The following LCORL variants were observed in gnomAD, a reference collection of about 807,000 sequenced individuals.
The protein encoded by LCORL is ligand-dependent nuclear receptor corepressor-like protein.
In LCORL, 41 loss-of-function variants were observed where a neutral mutation model predicts 141.8. The ratio of observed to expected loss-of-function variants is 0.29; its 90% CI spans 0.23 to 0.38. The LOEUF (loss-of-function observed/expected upper bound fraction) is 0.38, where lower values mean the gene tolerates loss of function less well. Among genes scored for constraint, LCORL ranks in the 10% least tolerant of loss-of-function variants. LCORL has a pLI of 1.00. For synonymous variants in LCORL, 618 were observed against 694.1 expected, an observed-to-expected ratio of 0.89 and a Z score of 1.72; for missense variants, 1,759 against 2,035.0, an observed-to-expected ratio of 0.86 and a Z score of 2.61.
intron 4 of LCORL, among the ~76,000 whole-genome samples, chr4:17,926,434 C>T (rs1410444894): frequency 6.6e-6 from 1 of 152,146 alleles, no homozygotes; most frequent in Non-Finnish European, 1.5e-5. Context: ...AGCTTCCTGC[C>T]CTCGAATGTC....
chr4:17,957,504 G>C, intron 4 of LCORL, among the ~76,000 whole-genome samples: 1 of 151,982 alleles, frequency 6.6e-6, no homozygotes, highest in East Asian at 1.9e-4. Flanking sequence ...TTGTAAAGGG[G>C]TAGGAGACTG....
chr4:17,990,383 G>A (rs934835098), intron 1 of LCORL, among the ~76,000 whole-genome samples: 1 of 151,738 alleles, frequency 6.6e-6, no homozygotes, highest in Non-Finnish European at 1.5e-5. Context: ...ACAGGCATGA[G>A]CCACCACGCC....
intron 7 of LCORL, among the ~76,000 whole-genome samples, chr4:17,849,180 G>C (rs1251717410): frequency 6.6e-6 from 1 of 152,200 alleles, no homozygotes; most frequent in African/African-American, 2.4e-5. Flanking sequence ...AGAGAGCAGT[G>C]GTTCTCCCAG....
exon 8 of LCORL, chr4:17,843,169 A>T: frequency 1.0e-6 from 1 of 953,696 alleles, no homozygotes; most frequent in Non-Finnish European, 1.5e-6. Context: ...TTTTAGTTTT[A>T]AGCTAAGTCA....
At chr4:18,012,794 A>C (rs1216149702) in intron 1 of LCORL, among the ~76,000 whole-genome samples, 1 of 152,176 alleles carries the variant, frequency 6.6e-6, no homozygotes, top group Admixed American at 6.5e-5. Context: ...GCTTAATGAA[A>C]TTAACATATA....
intron 5 of LCORL, among the ~76,000 whole-genome samples, chr4:17,890,397 G>T (rs909834140): frequency 6.6e-6 from 1 of 152,050 alleles, no homozygotes; most frequent in African/African-American, 2.4e-5. Context: ...ATCATTGGTT[G>T]CTTCCAAGGG....
intron 5 of LCORL, among the ~76,000 whole-genome samples, chr4:17,894,622 G>A (rs959908078): frequency 1.3e-5 from 2 of 152,142 alleles, no homozygotes; most frequent in Non-Finnish European, 2.9e-5. Context: ...ATAGAAAACA[G>A]CTGAATTCTC....
intron 5 of LCORL, among the ~76,000 whole-genome samples, chr4:17,904,112 G>C (rs1209304709): frequency 6.6e-6 from 1 of 151,974 alleles, no homozygotes; most frequent in Non-Finnish European, 1.5e-5. Context: ...TATTAGAGTT[G>C]TCAAAGATTT....
intron 4 of LCORL, chr4:17,912,465 T>A (rs1440465131): frequency 5.4e-6 from 3 of 552,770 alleles, no homozygotes; most frequent in African/African-American, 3.8e-5. Context: ...CCCAATACGA[T>A]GAGCTGGCTC....
intron 2 of LCORL, among the ~76,000 whole-genome samples, chr4:17,970,544 G>A (rs1237051212): frequency 6.6e-6 from 1 of 152,170 alleles, no homozygotes; most frequent in Admixed American, 6.5e-5. Flanking sequence ...ATGAGAAATA[G>A]AACATAACAG....
At chr4:17,982,720 G>A (rs1577631948) in intron 1 of LCORL, among the ~76,000 whole-genome samples, 2 of 152,154 alleles carry the variant, frequency 1.3e-5, no homozygotes, top group Admixed American at 1.3e-4. Flanking sequence ...TCTGCAGGTT[G>A]TCTCTTTATT....
intron 3 of LCORL, 128 bp downstream of exon 3, chr4:17,962,842 G>A (rs763913282): frequency 8.7e-5 from 38 of 435,448 alleles, no homozygotes; most frequent in African/African-American, 3.5e-4. Flanking sequence ...TATTATTTTC[G>A]TTTACCAAAA....
intron 1 of LCORL, 123 bp from the exon 2 acceptor site, chr4:17,973,008 G>A: frequency 2.4e-6 from 1 of 411,328 alleles, no homozygotes; most frequent in Non-Finnish European, 4.2e-6. Context: ...TTTTCCTCTA[G>A]CTGCATTAAA....
At chr4:17,971,927 G>GA (rs1716029463) in intron 2 of LCORL, among the ~76,000 whole-genome samples, 2 of 150,766 alleles carry the variant, frequency 1.3e-5, no homozygotes, top group Admixed American at 6.6e-5. Context: ...TATGATAGTT[G>GA]AAAAAAAATC....
At chr4:17,868,129 C>T (rs925549676) in intron 7 of LCORL, among the ~76,000 whole-genome samples, 2 of 152,072 alleles carry the variant, frequency 1.3e-5, no homozygotes, top group East Asian at 1.9e-4. Flanking sequence ...TGTTAAAATG[C>T]TCATAAGCAA....
intron 1 of LCORL, among the ~76,000 whole-genome samples, chr4:18,014,872 T>C (rs888186601): frequency 6.6e-6 from 1 of 152,194 alleles, no homozygotes; most frequent in Non-Finnish European, 1.5e-5. Context: ...ATTACTTGAT[T>C]ACAGATTCAG....
At chr4:17,869,638 A>T (rs1726099162) in intron 7 of LCORL, among the ~76,000 whole-genome samples, 1 of 152,018 alleles carries the variant, frequency 6.6e-6, no homozygotes, top group African/African-American at 2.4e-5. Context: ...GGCTCTTTCA[A>T]TCTTACAATG....
chr4:17,983,459 T>A (rs1439877686), intron 1 of LCORL, among the ~76,000 whole-genome samples: 2 of 152,194 alleles, frequency 1.3e-5, no homozygotes, highest in Non-Finnish European at 2.9e-5. Flanking sequence ...GTTTTGTAAT[T>A]CTCATTGTAG....
intron 4 of LCORL, among the ~76,000 whole-genome samples, chr4:17,927,796 A>G (rs1185534916): frequency 2.0e-5 from 3 of 152,238 alleles, no homozygotes; most frequent in Non-Finnish European, 4.4e-5. Context: ...TAGATATAAT[A>G]GTAATACTAA....
Sources: gnomAD v4.1 joint callset for allele counts (sites outside exome capture counted in the v4.1 genomes callset) on GRCh38, gnomAD v4.1.1 for gene constraint, MANE v1.5 for transcripts, NCBI Gene and HGNC (gene_info 2026-07-23, HGNC 2026-07-21) for gene names.